TACC2: variants seen among roughly 807,000 people sequenced by gnomAD.
TACC2 encodes the protein transforming acidic coiled-coil-containing protein 2.
A neutral mutation model predicts 227.3 loss-of-function variants in TACC2; 137 were observed. The observed-to-expected ratio is 0.60, with a 90% CI of 0.52 to 0.69. The LOEUF (loss-of-function observed/expected upper bound fraction) is 0.69. TACC2 is among the 30% of genes least tolerant of loss of function. TACC2 has a pLI of 0.00. For missense variants in TACC2, 3,470 were observed against 3,694.4 expected, an observed-to-expected ratio of 0.94 and a Z score of 1.57; for synonymous variants, 1,523 against 1,487.5, an observed-to-expected ratio of 1.02 and a Z score of -0.55.
chr10:122,086,927 A>G lies in TACC2; in HGVS notation c.4427A>G (p.Gln1476Arg). 6.2e-7 allele frequency: 1 copy of G among 1,613,952 alleles called. No individual in the cohort carries two copies. Among genetic ancestry groups the G allele is most frequent in the Non-Finnish European group, 8.5e-7 (1 of 1,180,034 alleles). ...GCTCGACTCCAGGTGGAGAAGAAGC[A>G]ACAGTTGGCTGGAGAGGCTGAGATT... The part of the protein sequence containing the change: ...PPARLQVEKK[Q>R]QLAGEAEISH... Residue 1476 changes from glutamine to arginine, a missense_variant, in exon 4 of 23, where the codon CAA becomes CGA. By Grantham distance (43) the Gln-to-Arg change is conservative (BLOSUM62 1). Around this residue, in one of 10 missense-constraint regions of TACC2, gnomAD observed 1,924 missense variants for 1,978.3 expected, o/e 0.97. Coordinates refer to ENST00000369005, the MANE Select transcript of TACC2 (RefSeq NM_206862.4).
chr10:122,132,880 C>G, intron 6 of TACC2, 146 bp downstream of exon 6: 1 of 794,108 alleles, frequency 1.3e-6, no homozygotes, highest in Non-Finnish European at 2.0e-6. Context: ...GGTGTGCACA[C>G]CTGTCCTGAA....
chr10:122,119,664 A>G (rs1157391449), intron 5 of TACC2, among the ~76,000 whole-genome samples: 3 of 152,250 alleles, frequency 2.0e-5, no homozygotes, highest in African/African-American at 7.2e-5. Flanking sequence ...CTGTAATCCC[A>G]GCATGTTGGG....
At chr10:122,089,188 T>C (rs2080436297) in intron 5 of TACC2, among the ~76,000 whole-genome samples, 1 of 152,168 alleles carries the variant, frequency 6.6e-6, no homozygotes, top group African/African-American at 2.4e-5. Flanking sequence ...CAGTGGCTTG[T>C]AGTATATTCA....
intron 7 of TACC2, among the ~76,000 whole-genome samples, chr10:122,183,615 G>A (rs548024710): frequency 5.1e-4 from 77 of 152,278 alleles, no homozygotes; most frequent in African/African-American, 1.7e-3. Flanking sequence ...TGCCCCCGTG[G>A]GCTGCTATGG....
chr10:122,240,015 G>A (rs992279406), intron 18 of TACC2, among the ~76,000 whole-genome samples: 12 of 152,280 alleles, frequency 7.9e-5, no homozygotes, highest in Admixed American at 7.8e-4. Flanking sequence ...TCACATCTGG[G>A]CTCTGCCACT....
rs988464159 is a variant in TACC2, at chr10:122,216,857, C to T, written c.7546+29C>T. ...AGCAACTCTGTAGCCAGCTGGACCCCCACTCTGCCTCGGAGAATCCTGCCC... is the reference window on the plus strand; with the variant it reads ...AGCAACTCTGTAGCCAGCTGGACCCTCACTCTGCCTCGGAGAATCCTGCCC... On this transcript the variant is annotated intron_variant, in intron 11 of 22. Transcript: ENST00000369005. 19 of 1,614,008 alleles carry T rather than the reference C, an allele frequency of 1.2e-5. No homozygotes were observed. The Admixed American group carries it at 1.5e-4, about 13-fold the overall frequency.
At chr10:122,159,103 G>T in intron 7 of TACC2, among the ~76,000 whole-genome samples, 1 of 152,158 alleles carries the variant, frequency 6.6e-6, no homozygotes, top group East Asian at 1.9e-4. Context: ...CCAGGGAGCT[G>T]GGGGAGCTGG....
At chr10:122,188,110 A>G (rs1481497538) in intron 7 of TACC2, among the ~76,000 whole-genome samples, 1 of 152,020 alleles carries the variant, frequency 6.6e-6, no homozygotes, top group Non-Finnish European at 1.5e-5. Context: ...CTTCCAGCCA[A>G]GAGACCCAAG....
intron 7 of TACC2, among the ~76,000 whole-genome samples, chr10:122,178,098 G>T (rs2093806928): frequency 6.6e-6 from 1 of 152,188 alleles, no homozygotes; most frequent in South Asian, 2.1e-4. Flanking sequence ...TGGAGGCTGG[G>T]AAGTCTTAGA....
chr10:122,037,974 G>A (rs529568031), intron 2 of TACC2, among the ~76,000 whole-genome samples: 44 of 152,148 alleles, frequency 2.9e-4, no homozygotes, highest in Non-Finnish European at 5.4e-4. Flanking sequence ...TAAAAGGAGT[G>A]CACTCAGTAG....
At chr10:122,172,991 G>T (rs2093551345) in intron 7 of TACC2, among the ~76,000 whole-genome samples, 1 of 152,188 alleles carries the variant, frequency 6.6e-6, no homozygotes, top group African/African-American at 2.4e-5. Context: ...TCTGGGCAGA[G>T]CTGTACCCAG....
rs750719695 is a variant in TACC2, at chr10:122,132,800, C to G, written c.5699+66C>G. 2.6e-6 allele frequency: 4 copies of G among 1,554,566 alleles called. No individual in the cohort carries two copies. The African/African-American group carries it at 4.1e-5, about 16-fold the overall frequency. ...CCCAATCCTTGAGGCTGCCTTCCCCCGCTCCCCTCCCTTCCCCTCCCCTCC... is the reference window on the plus strand; with the variant it reads ...CCCAATCCTTGAGGCTGCCTTCCCCGGCTCCCCTCCCTTCCCCTCCCCTCC... On this transcript the variant is annotated intron_variant, in intron 6 of 22. Transcript: ENST00000369005.
intron 11 of TACC2, among the ~76,000 whole-genome samples, chr10:122,220,943 G>A (rs2095512331): frequency 6.6e-6 from 1 of 152,192 alleles, no homozygotes; most frequent in African/African-American, 2.4e-5. Context: ...AGGTGTGCCT[G>A]ACTTAACAGC....
intron 5 of TACC2, among the ~76,000 whole-genome samples, chr10:122,123,159 C>T (rs1001876017): frequency 5.9e-5 from 9 of 152,178 alleles, no homozygotes; most frequent in Non-Finnish European, 1.2e-4. Flanking sequence ...CACGCCAACA[C>T]ACCCGGCTAA....
chr10:122,096,223 G>A (rs111799016), intron 5 of TACC2, among the ~76,000 whole-genome samples: 3 of 152,286 alleles, frequency 2.0e-5, no homozygotes, highest in African/African-American at 4.8e-5. Flanking sequence ...ACCCAAGGAG[G>A]CCTCCCATTG....
intron 1 of TACC2, among the ~76,000 whole-genome samples, chr10:121,995,637 C>T (rs1186780443): frequency 6.6e-6 from 1 of 152,186 alleles, no homozygotes; most frequent in African/African-American, 2.4e-5. Context: ...ACAGGCTTGG[C>T]ACTAGCACCC....
chr10:122,217,437 C>CTT (rs35233150), intron 11 of TACC2, among the ~76,000 whole-genome samples: 57 of 93,240 alleles, frequency 6.1e-4, no homozygotes, highest in Non-Finnish European at 7.7e-4. Flanking sequence ...TTTCTTTTTT[C>CTT]TTTTTTTTTT....
At chr10:122,232,257 G>A (rs1435306744) in intron 16 of TACC2, among the ~76,000 whole-genome samples, 2 of 152,210 alleles carry the variant, frequency 1.3e-5, no homozygotes, top group African/African-American at 4.8e-5. Context: ...AGAATGAATT[G>A]CATGCAGTTT....
Position 122,141,636 on chromosome 10 carries a change from G to A in TACC2, c.5700-1936G>A. On this transcript the variant is annotated intron_variant, in intron 6 of 22. Coordinates refer to ENST00000369005, the MANE Select transcript of TACC2 (RefSeq NM_206862.4). The surrounding 1 kb of genome is among the most constrained non-coding windows in gnomAD (Gnocchi z 4.3). ...CAGGGCTGTCAGCTGTCACAGAGCT[G>A]GCTTTGTTGTGATTAGCAGCGGGCC... Among the ~76,000 whole-genome samples the A allele has an allele frequency of 6.6e-6, 1 of 152,096 alleles. No individual in the cohort carries two copies. The highest frequency in any genetic ancestry group is 1.9e-4 in the East Asian group (1 of 5,192).
Sources: gnomAD v4.1 joint callset for allele counts (sites outside exome capture counted in the v4.1 genomes callset) on GRCh38, gnomAD v4.1.1 for gene constraint, gnomAD v4.1.1 regional missense constraint, Gnocchi (gnomAD v3.1) non-coding constraint, MANE v1.5 for transcripts, NCBI Gene and HGNC (gene_info 2026-07-23, HGNC 2026-07-21) for gene names.